SMOC2: variants seen among roughly 807,000 people sequenced by gnomAD.
SMOC2 encodes the protein SPARC related modular calcium binding 2.
SMOC2 carries 39 observed loss-of-function variants against 61.4 expected under a neutral mutation model. The ratio of observed to expected loss-of-function variants is 0.64; its 90% CI spans 0.49 to 0.83. The LOEUF (loss-of-function observed/expected upper bound fraction) is 0.83. SMOC2 is among the 40% of genes least tolerant of loss of function. The pLI, the probability that SMOC2 is intolerant of heterozygous loss-of-function variation, is 0.00. For missense variants in SMOC2, 556 were observed against 592.9 expected, an observed-to-expected ratio of 0.94 and a Z score of 0.65; for synonymous variants, 247 against 239.9, an observed-to-expected ratio of 1.03 and a Z score of -0.27.
At chr6:168,637,793 G>GTCTGT (rs1562397634) in intron 9 of SMOC2, among the ~76,000 whole-genome samples, 4 of 152,212 alleles carry the variant, frequency 2.6e-5, no homozygotes, top group Non-Finnish European at 4.4e-5. Context: ...AAGGATTCCT[G>GTCTGT]TCTGTTTGTG....
At chr6:168,492,036 A>C (rs1034849988) in intron 1 of SMOC2, among the ~76,000 whole-genome samples, 2 of 152,220 alleles carry the variant, frequency 1.3e-5, no homozygotes, top group Non-Finnish European at 2.9e-5. Context: ...AACATGGCTC[A>C]GTCTTACTGG....
chr6:168,634,437 A>G (rs552109942), intron 9 of SMOC2, among the ~76,000 whole-genome samples: 1 of 152,234 alleles, frequency 6.6e-6, no homozygotes, highest in Non-Finnish European at 1.5e-5. Context: ...TATTCTCCCC[A>G]GGTGGTCAAT....
At chr6:168,510,136 A>C (rs758610636) in intron 2 of SMOC2, 50 bp downstream of exon 2, 1 of 1,542,034 alleles carries the variant, frequency 6.5e-7, no homozygotes, top group Non-Finnish European at 8.9e-7. Context: ...TCCATCATCA[A>C]AATGAATGCA....
intron 2 of SMOC2, among the ~76,000 whole-genome samples, chr6:168,520,695 C>T (rs1043897244): frequency 1.3e-5 from 2 of 152,234 alleles, no homozygotes; most frequent in Non-Finnish European, 2.9e-5. Flanking sequence ...TGAGTGGCAT[C>T]AAAGTCTTGA....
chr6:168,534,103 T>A (rs1281030724), intron 4 of SMOC2, among the ~76,000 whole-genome samples: 1 of 151,806 alleles, frequency 6.6e-6, no homozygotes, highest in African/African-American at 2.4e-5. Context: ...AATAAAAATT[T>A]AAAAATTTAA....
At chr6:168,513,671 C>T (rs1049269675) in intron 2 of SMOC2, among the ~76,000 whole-genome samples, 5 of 152,264 alleles carry the variant, frequency 3.3e-5, no homozygotes, top group Non-Finnish European at 7.3e-5. Flanking sequence ...AGTAAATTGG[C>T]GTTTTCTTCT....
chr6:168,457,828 A>G (rs1302423603), intron 1 of SMOC2, among the ~76,000 whole-genome samples: 2 of 151,956 alleles, frequency 1.3e-5, no homozygotes, highest in Non-Finnish European at 2.9e-5. Flanking sequence ...CCTCTTTCTA[A>G]TGAGTCTAAT....
intron 1 of SMOC2, among the ~76,000 whole-genome samples, chr6:168,503,469 C>T (rs771924975): frequency 4.6e-5 from 7 of 152,126 alleles, no homozygotes; most frequent in Non-Finnish European, 8.8e-5. Flanking sequence ...CTGTGAGGCA[C>T]CTCCGTCAGC....
chr6:168,491,945 A>G lies in SMOC2; in HGVS notation c.85-17970A>G, dbSNP rs967280282. On this transcript the variant is annotated intron_variant, in intron 1 of 12. Coordinates refer to ENST00000356284, the MANE Select transcript of SMOC2 (RefSeq NM_001166412.2). ...ATTTTTAACCATTTTCGAGCCACCC[A>G]CACATTCTCCCGCATTCTTCTTTTT... Among the ~76,000 whole-genome samples the G allele has an allele frequency of 3.3e-5, 5 of 152,260 alleles. No homozygotes were observed. The South Asian group carries it at 8.3e-4, about 25-fold the overall frequency.
At chr6:168,598,329 GGA>G (rs1418151925) in intron 7 of SMOC2, among the ~76,000 whole-genome samples, 6 of 152,230 alleles carry the variant, frequency 3.9e-5, no homozygotes, top group Non-Finnish European at 5.9e-5. Context: ...TTGAGAATGA[GGA>G]GAGAGGGGTC....
chr6:168,582,499 G>A (rs771319406), intron 7 of SMOC2, among the ~76,000 whole-genome samples: 15 of 152,204 alleles, frequency 9.9e-5, no homozygotes, highest in Non-Finnish European at 2.9e-5. Flanking sequence ...AAAGGAGGCC[G>A]AGGGAGTGGC....
At chr6:168,653,844 A>G (rs1787269454) in intron 11 of SMOC2, among the ~76,000 whole-genome samples, 1 of 137,744 alleles carries the variant, frequency 7.3e-6, no homozygotes, top group African/African-American at 2.8e-5. Flanking sequence ...GATGTTAGGA[A>G]CTCACCAACC....
chr6:168,574,345 G>C (rs1784743985), intron 7 of SMOC2, among the ~76,000 whole-genome samples: 1 of 152,214 alleles, frequency 6.6e-6, no homozygotes, highest in Admixed American at 6.5e-5. Flanking sequence ...ACAGGGCTGA[G>C]GCAGCAGGCC....
intron 8 of SMOC2, 72 bp downstream of exon 8, chr6:168,599,076 C>A: frequency 1.5e-6 from 2 of 1,344,830 alleles, no homozygotes; most frequent in Non-Finnish European, 2.0e-6. Flanking sequence ...AAAGCAGAAC[C>A]CCCACTTCCC....
At chr6:168,598,786 C>T in intron 7 of SMOC2, 32 bp from the exon 8 acceptor site, 2 of 1,611,680 alleles carry the variant, frequency 1.2e-6, no homozygotes, top group South Asian at 2.2e-5. Flanking sequence ...TCGCTGGATC[C>T]TGCTCACCTT....
chr6:168,464,095 G>A (rs1781771460), intron 1 of SMOC2, among the ~76,000 whole-genome samples: 1 of 149,716 alleles, frequency 6.7e-6, no homozygotes, highest in Non-Finnish European at 1.5e-5. Flanking sequence ...GGAGGCTGAG[G>A]CACAAGAATC....
chr6:168,650,781 C>T lies in SMOC2; in HGVS notation c.1008C>T (p.Gly336=). ...CCTCCGACCCCTCCTCCTCGTCAGG[C>T]AGGTACGCTGTGTTCGCCGTGGGAC... ...HAASDPSSSS[G]RLSEPDPSHT... Residue 336 remains glycine (G), a splice_region_variant and synonymous_variant, in exon 10 of 13, where the codon GGC becomes GGT. Transcript: ENST00000356284. The T allele has an allele frequency of 6.2e-7, 1 of 1,610,160 alleles. No homozygotes were observed. The highest frequency in any genetic ancestry group is 1.1e-5 in the South Asian group (1 of 90,838).
At chr6:168,646,136 C>T (rs182020169) in intron 9 of SMOC2, among the ~76,000 whole-genome samples, 36 of 152,314 alleles carry the variant, frequency 2.4e-4, no homozygotes, top group Admixed American at 7.8e-4. Context: ...CAGAGGAATG[C>T]GTCTCATTAT....
chr6:168,531,170 CGCAGGGCCACGGTTGCTT>C (rs1325959166), intron 4 of SMOC2, among the ~76,000 whole-genome samples: 7 of 152,132 alleles, frequency 4.6e-5, no homozygotes, highest in Non-Finnish European at 8.8e-5. Context: ...TGGCCACACA[CGCAGGGCCACGGTTGCTT>C]GCATGCGGTG....
Sources: gnomAD v4.1 joint callset for allele counts (sites outside exome capture counted in the v4.1 genomes callset) on GRCh38, gnomAD v4.1.1 for gene constraint, MANE v1.5 for transcripts, NCBI Gene and HGNC (gene_info 2026-07-23, HGNC 2026-07-21) for gene names.